MGMT: variants seen among roughly 807,000 people sequenced by gnomAD.
The protein encoded by MGMT is methylated-DNA--protein-cysteine methyltransferase.
A neutral mutation model predicts 15.9 loss-of-function variants in MGMT; 14 were observed. The ratio of observed to expected loss-of-function variants is 0.88; its 90% CI spans 0.58 to 1.37. The LOEUF is 1.37. MGMT is among the 40% of genes most tolerant of loss of function. MGMT has a pLI of 0.00. For missense variants in MGMT, 282 were observed against 268.1 expected (o/e 1.05, Z -0.36); for synonymous variants, 130 against 118.2 (o/e 1.10, Z -0.65).
rs147885948 is a variant in MGMT at position 129,531,000 on chromosome 10, G to A, written c.-12-5241G>A. 4.3e-3 allele frequency among the ~76,000 whole-genome samples: 650 copies of A among 152,358 alleles called. 2 individuals are homozygous for A. Among genetic ancestry groups the A allele is most frequent in the Non-Finnish European group, 7.1e-3 (484 of 68,032 alleles). On this transcript the variant is annotated intron_variant, in intron 1 of 4. Transcript: ENST00000651593. ...ACTCTGCCCACCTCGTGCTAGCCTG[G>A]GTGTGGGCTTGCCTGCTGGCTCTGG...
intron 2 of MGMT, among the ~76,000 whole-genome samples, chr10:129,548,304 C>A (rs958556786): frequency 6.6e-6 from 1 of 152,174 alleles, no homozygotes; most frequent in Non-Finnish European, 1.5e-5. Context: ...AAAATATATG[C>A]TCCTGAAACT....
intron 3 of MGMT, among the ~76,000 whole-genome samples, chr10:129,744,874 C>G (rs1453884414): frequency 6.6e-6 from 1 of 152,212 alleles, no homozygotes; most frequent in East Asian, 1.9e-4. Flanking sequence ...TGTCTTCCAG[C>G]CTCCCAGGAA....
At chr10:129,747,607 C>G (rs1462060640) in intron 3 of MGMT, among the ~76,000 whole-genome samples, 1 of 152,182 alleles carries the variant, frequency 6.6e-6, no homozygotes, top group Non-Finnish European at 1.5e-5. Flanking sequence ...ATTATGATGA[C>G]ATTTACACTT....
chr10:129,729,768 G>A (rs941885197), intron 3 of MGMT, among the ~76,000 whole-genome samples: 12 of 152,176 alleles, frequency 7.9e-5, no homozygotes, highest in African/African-American at 1.4e-4. Context: ...GCTCCTTTCC[G>A]TTGGGTTGGT....
At position 129,605,339 on chromosome 10, in the gene MGMT, ATTAT is replaced by A. The variant is rs141295437; in HGVS notation, c.125+68969_125+68972del. 6.9e-4 allele frequency among the ~76,000 whole-genome samples: 105 copies of A among 152,326 alleles called. 1 individual carries two copies. In the East Asian group the frequency reaches 0.015, roughly 22 times the overall value. On this transcript the variant is annotated intron_variant, in intron 2 of 4. Transcript: ENST00000651593. ...ATCTTTAATTTCTTTTAATGTCAAA[ATTAT>A]TTATTTGGCCAGTTCCATTCCAGAT...
At chr10:129,478,062 G>A (rs1339450496) in intron 1 of MGMT, among the ~76,000 whole-genome samples, 1 of 152,214 alleles carries the variant, frequency 6.6e-6, no homozygotes, top group Non-Finnish European at 1.5e-5. Flanking sequence ...CCAGAAGCCA[G>A]CAGACCATGG....
intron 2 of MGMT, among the ~76,000 whole-genome samples, chr10:129,676,305 G>T (rs1049805571): frequency 1.3e-5 from 2 of 152,348 alleles, no homozygotes; most frequent in Non-Finnish European, 2.9e-5. Context: ...TGTCATGGTT[G>T]GCCAGGCTCG....
chr10:129,593,277 A>T (rs1846711061), intron 2 of MGMT, among the ~76,000 whole-genome samples: 1 of 152,166 alleles, frequency 6.6e-6, no homozygotes, highest in African/African-American at 2.4e-5. Context: ...GGTGGGTGAA[A>T]TGGAGCTGGT....
At chr10:129,613,270 C>T (rs1190630833) in intron 2 of MGMT, among the ~76,000 whole-genome samples, 1 of 152,160 alleles carries the variant, frequency 6.6e-6, no homozygotes, top group Non-Finnish European at 1.5e-5. Context: ...TGAAGGAATC[C>T]AAGAGATGCA....
At chr10:129,730,557 C>T (rs562584971) in intron 3 of MGMT, among the ~76,000 whole-genome samples, 18 of 152,294 alleles carry the variant, frequency 1.2e-4, no homozygotes, top group African/African-American at 2.4e-4. Context: ...GCAGAGCAGA[C>T]GCGAGGTTTG....
intron 2 of MGMT, among the ~76,000 whole-genome samples, chr10:129,679,070 C>CT: frequency 7.4e-6 from 1 of 134,482 alleles, no homozygotes; most frequent in Non-Finnish European, 1.6e-5. Flanking sequence ...GAGACTCCAT[C>CT]TCAAAAAAAA....
intron 2 of MGMT, among the ~76,000 whole-genome samples, chr10:129,546,791 T>C (rs1017793729): frequency 1.3e-5 from 2 of 152,200 alleles, no homozygotes; most frequent in East Asian, 1.9e-4. Context: ...CCTTGGTACC[T>C]GGTCTGCTTT....
chr10:129,669,282 C>T (rs747228555), intron 2 of MGMT, among the ~76,000 whole-genome samples: 1 of 152,178 alleles, frequency 6.6e-6, no homozygotes, highest in Non-Finnish European at 1.5e-5. Flanking sequence ...TCTCCCACCT[C>T]AGCCTCCTAA....
intron 1 of MGMT, among the ~76,000 whole-genome samples, chr10:129,500,200 G>T (rs765917570): frequency 6.6e-6 from 1 of 152,194 alleles, no homozygotes; most frequent in Non-Finnish European, 1.5e-5. Context: ...TGTTGTATTT[G>T]TTCAGAAAGT....
chr10:129,762,971 C>A (rs578085861), intron 4 of MGMT, among the ~76,000 whole-genome samples: 1 of 152,216 alleles, frequency 6.6e-6, no homozygotes, highest in East Asian at 1.9e-4. Context: ...CCCTTGTGGG[C>A]TGCTGCCCAG....
At chr10:129,649,803 A>G (rs1847436130) in intron 2 of MGMT, among the ~76,000 whole-genome samples, 1 of 152,228 alleles carries the variant, frequency 6.6e-6, no homozygotes, top group Non-Finnish European at 1.5e-5. Context: ...AAAGTTACCC[A>G]GGAAAGATGT....
At chr10:129,707,265 A>G (rs1030220006) in intron 2 of MGMT, among the ~76,000 whole-genome samples, 3 of 152,016 alleles carry the variant, frequency 2.0e-5, no homozygotes, top group Non-Finnish European at 4.4e-5. Context: ...CAACAAGAGC[A>G]AAACTCCGTC....
At chr10:129,718,271 G>T (rs1848322825) in intron 3 of MGMT, among the ~76,000 whole-genome samples, 1 of 152,256 alleles carries the variant, frequency 6.6e-6, no homozygotes, top group South Asian at 2.1e-4. Context: ...TGCAGTGACA[G>T]TCTGTGAAGG....
In MGMT at chr10:129,685,157, C is replaced by T. The variant is rs552857719; in HGVS notation, c.126-22738C>T. Among the ~76,000 whole-genome samples, 12 of 152,300 alleles carry T rather than the reference C, an allele frequency of 7.9e-5. No homozygotes were observed. The South Asian group carries it at 2.3e-3, about 29-fold the overall frequency. On this transcript the variant is annotated intron_variant, in intron 2 of 4. Coordinates refer to ENST00000651593, the MANE Select transcript of MGMT (RefSeq NM_002412.5). The stretch of plus-strand genomic sequence containing the variant: ...GGTGATTGAAAGTCAGATAAACATG[C>T]AAGATTTGCTGATTTTTAAATATGC...
Sources: allele counts gnomAD v4.1 joint callset (sites outside exome capture counted in the v4.1 genomes callset), GRCh38; gene constraint gnomAD v4.1.1; transcripts MANE v1.5; gene names NCBI Gene and HGNC (gene_info 2026-07-23, HGNC 2026-07-21).